Variants in ANO3 observed in about 807,000 individuals in gnomAD.
ANO3 encodes the protein anoctamin-3.
Under a neutral mutation model 144.8 loss-of-function variants are expected in ANO3, and 99 were observed. The observed-to-expected ratio is 0.68, with a 90% confidence interval of 0.58 to 0.81. The LOEUF is 0.81. Ranked by LOEUF, ANO3 falls within the 30% of genes least tolerant of loss-of-function variation. ANO3 has a pLI of 0.00. For synonymous variants in ANO3, 414 were observed against 392.6 expected (o/e 1.05, Z -0.64); for missense variants, 905 against 1,202.2 (o/e 0.75, Z 3.66).
chr11:26,375,469 C>T (rs1468752885), intron 1 of ANO3, among the ~76,000 whole-genome samples: 3 of 152,128 alleles, frequency 2.0e-5, no homozygotes, highest in East Asian at 3.9e-4. Flanking sequence ...ATAATAAGTT[C>T]TCAATAAATA....
chr11:26,429,089 C>T (rs1858003020), intron 1 of ANO3, among the ~76,000 whole-genome samples: 3 of 152,112 alleles, frequency 2.0e-5, no homozygotes, highest in African/African-American at 7.2e-5. Flanking sequence ...AACATTTCCT[C>T]TCTGGTGCTG....
chr11:26,201,223 G>C (rs1395773810), intron 1 of ANO3, among the ~76,000 whole-genome samples: 1 of 152,054 alleles, frequency 6.6e-6, no homozygotes, highest in Admixed American at 6.6e-5. Flanking sequence ...ACATTGACTA[G>C]AGCACTCAGT....
At chr11:26,335,021 G>C (rs539173150) in intron 1 of ANO3, among the ~76,000 whole-genome samples, 1 of 152,272 alleles carries the variant, frequency 6.6e-6, no homozygotes, top group East Asian at 1.9e-4. Flanking sequence ...AATTGGTTTT[G>C]ATAGGTAAGT....
chr11:26,355,459 CT>C (rs1489162680), intron 1 of ANO3, among the ~76,000 whole-genome samples: 1 of 151,772 alleles, frequency 6.6e-6, no homozygotes, highest in African/African-American at 2.4e-5. Context: ...TTTCATTTCA[CT>C]TTCTTTTGTT....
intron 21 of ANO3, among the ~76,000 whole-genome samples, chr11:26,640,485 ATTGT>A (rs1305061670): frequency 6.6e-6 from 1 of 152,202 alleles, no homozygotes; most frequent in Non-Finnish European, 1.5e-5. Flanking sequence ...TTTAGGAAAC[ATTGT>A]TTGAAAGAAA....
At chr11:26,230,893 T>C (rs868303439) in intron 1 of ANO3, among the ~76,000 whole-genome samples, 2 of 150,052 alleles carry the variant, frequency 1.3e-5, no homozygotes, top group East Asian at 4.1e-4. Flanking sequence ...TTTTCTTTTT[T>C]TTTTTTTTTC....
intron 1 of ANO3, among the ~76,000 whole-genome samples, chr11:26,199,829 G>A (rs11029383): frequency 1.3e-5 from 2 of 152,028 alleles, no homozygotes; most frequent in African/African-American, 4.8e-5. Context: ...CATGTTTTTT[G>A]TTTCATTTTG....
At chr11:26,600,082 CTTG>C (rs1851747368) in intron 17 of ANO3, among the ~76,000 whole-genome samples, 8 of 151,926 alleles carry the variant, frequency 5.3e-5, no homozygotes. Context: ...TATGGGAAAA[CTTG>C]TTGGAAAGAT....
At chr11:26,397,573 GAC>G (rs1302929181) in intron 1 of ANO3, among the ~76,000 whole-genome samples, 6 of 151,894 alleles carry the variant, frequency 4.0e-5, no homozygotes, top group South Asian at 4.2e-4. Context: ...TTATTTAATT[GAC>G]ACATAATAAT....
chr11:26,221,933 G>A (rs1311079580), intron 1 of ANO3, among the ~76,000 whole-genome samples: 6 of 152,148 alleles, frequency 3.9e-5, no homozygotes, highest in Non-Finnish European at 8.8e-5. Flanking sequence ...ATTTCAACAT[G>A]AGATTTGGAG....
rs1246113736 is a variant in ANO3, at chr11:26,661,218, G to C, written c.*774G>C. On this transcript the variant is annotated 3_prime_UTR_variant, in exon 27 of 27. Coordinates refer to ENST00000256737, the MANE Select transcript of ANO3 (RefSeq NM_031418.4). ...ATAAAGCCACATACTTATAAACTAT[G>C]AATGGCTATTCTTATATAGTTTAGA... The C allele has an allele frequency of 6.6e-6, 1 of 152,546 alleles. No individual in the cohort carries two copies. Among genetic ancestry groups the C allele is most frequent in the East Asian group, 1.9e-4 (1 of 5,182 alleles). The allele number at this position is 152,546 out of a possible 1,614,324, so 9.4% of individuals were successfully genotyped here. A position where few individuals can be genotyped will look rare whatever the true frequency, so the allele number is the denominator to read the frequency against.
At chr11:26,332,084 G>T (rs1656030742), upstream of ANO3, 1 of 1,447,030 alleles carries the variant, frequency 6.9e-7, no homozygotes. Flanking sequence ...ACGCTAGACC[G>T]CCCTCCCGCG....
intron 7 of ANO3, among the ~76,000 whole-genome samples, chr11:26,530,467 ATC>A (rs1565083850): frequency 1.6e-5 from 1 of 62,626 alleles, no homozygotes; most frequent in African/African-American, 5.0e-5. Context: ...CTGTCTATCT[ATC>A]TATCTATCTA....
chr11:26,543,336 G>A (rs1849692704), intron 11 of ANO3, among the ~76,000 whole-genome samples: 1 of 152,026 alleles, frequency 6.6e-6, no homozygotes, highest in Non-Finnish European at 1.5e-5. Flanking sequence ...GAAGAAAATG[G>A]GAGGGAACAA....
chr11:26,281,547 T>A (rs748405474), intron 1 of ANO3, among the ~76,000 whole-genome samples: 1 of 152,086 alleles, frequency 6.6e-6, no homozygotes, highest in East Asian at 1.9e-4. Context: ...CTCATCTGAG[T>A]TAATTATGCA....
In ANO3 at chr11:26,333,778, T is replaced by C. The variant is rs558457852; in HGVS notation, c.46+1457T>C. Among the ~76,000 whole-genome samples, 19 of 152,252 alleles carry C rather than the reference T, an allele frequency of 1.2e-4. 1 individual carries two copies. Among genetic ancestry groups the C allele is most frequent in the Middle Eastern group, 3.4e-3 (1 of 294 alleles). ...GGAGTGATGTGTGAGACTGTAGGGGTAGACAAAAATTTCACCTAGTATGCA... is the reference window on the plus strand; with the variant it reads ...GGAGTGATGTGTGAGACTGTAGGGGCAGACAAAAATTTCACCTAGTATGCA... On this transcript the variant is annotated intron_variant, in intron 1 of 26. Coordinates refer to ENST00000256737, the MANE Select transcript of ANO3 (RefSeq NM_031418.4).
chr11:26,303,721 A>G (rs1164776410), intron 1 of ANO3, among the ~76,000 whole-genome samples: 1 of 152,092 alleles, frequency 6.6e-6, no homozygotes, highest in African/African-American at 2.4e-5. Flanking sequence ...TATTATTGTT[A>G]TTATTTTATT....
intron 1 of ANO3, among the ~76,000 whole-genome samples, chr11:26,228,817 G>C (rs140533097): frequency 6.6e-6 from 1 of 152,318 alleles, no homozygotes; most frequent in Non-Finnish European, 1.5e-5. Flanking sequence ...AAGATGAACA[G>C]CTGAAGACCC....
At chr11:26,647,663 C>T (rs1264090646) in intron 23 of ANO3, 46 bp from the exon 24 acceptor site, 5 of 1,545,954 alleles carry the variant, frequency 3.2e-6, no homozygotes, top group Non-Finnish European at 4.4e-6. Flanking sequence ...ACAGGGTTTT[C>T]ATATTCTTCA....
Sources: allele counts gnomAD v4.1 joint callset (sites outside exome capture counted in the v4.1 genomes callset), GRCh38; gene constraint gnomAD v4.1.1; transcripts MANE v1.5; gene names NCBI Gene and HGNC (gene_info 2026-07-23, HGNC 2026-07-21).